The following H2BC5 variants were observed in gnomAD, a reference collection of about 807,000 sequenced individuals.
H2BC5 encodes histone H2B type 1-D.
Under a neutral mutation model 5.7 loss-of-function variants are expected in H2BC5, and 9 were observed. The observed-to-expected ratio is 1.57, with a 90% confidence interval of 0.95 to 2.74. H2BC5 has a LOEUF of 2.74. Among genes scored for constraint, H2BC5 ranks in the 30% most tolerant of loss-of-function variants. The probability of loss-of-function intolerance (pLI) is 0.00; values close to 1 mark genes in which losing one functional copy is unlikely to be tolerated. For synonymous variants in H2BC5, 133 were observed against 70.9 expected (o/e 1.88, Z -4.40); for missense variants, 175 against 168.8 (o/e 1.04, Z -0.20).
chr6:26,168,702 C>T (rs933220596), intron 1 of H2BC5, among the ~76,000 whole-genome samples: 3 of 152,060 alleles, frequency 2.0e-5, no homozygotes, highest in Non-Finnish European at 4.4e-5. Context: ...TTGACCACTA[C>T]CCACAGAGAC....
chr6:26,165,018 G>T (rs548234215), intron 1 of H2BC5, among the ~76,000 whole-genome samples: 1 of 152,162 alleles, frequency 6.6e-6, no homozygotes, highest in South Asian at 2.1e-4. Flanking sequence ...TATCAGGAAA[G>T]ACTATATTGA....
chr6:26,158,273 A>C lies in H2BC5; in HGVS notation c.104A>C (p.Lys35Thr). Residue 35 changes from lysine to threonine, a missense_variant, in exon 1 of 1, where the codon AAG (lysine) becomes ACG (threonine). Coordinates refer to ENST00000377777, the MANE Select transcript of H2BC5 (RefSeq NM_021063.4). ...GGGAAGAAGCGCAAGCGCAGCCGCA[A>C]GGAGAGCTATTCAGTGTATGTGTAC... ...KDGKKRKRSR[K>T]ESYSVYVYKV... 6.2e-7 allele frequency: 1 copy of C among 1,614,274 alleles called. No homozygotes were observed. The highest frequency in any genetic ancestry group is 8.5e-7 in the Non-Finnish European group (1 of 1,180,060).
chr6:26,158,163 C>T lies in H2BC5; in HGVS notation c.-7C>T, dbSNP rs376311812. The T allele has an allele frequency of 8.1e-6, 13 of 1,611,272 alleles. No individual in the cohort carries two copies. The highest frequency in any genetic ancestry group is 2.7e-5 in the African/African-American group (2 of 74,668). On this transcript the variant is annotated 5_prime_UTR_variant, in exon 1 of 1. It adds an upstream start codon to the 5' untranslated region. Transcript: ENST00000377777. The stretch of plus-strand genomic sequence containing the variant: ...TTTGCAACAGTGTTCTAACTATTAA[C>T]GCTACGATGCCTGAACCTACCAAGT...
downstream of H2BC5, among the ~76,000 whole-genome samples, chr6:26,160,145 A>G (rs1176033221): frequency 6.6e-6 from 1 of 152,196 alleles, no homozygotes; most frequent in African/African-American, 2.4e-5. Context: ...ACTACAAGCC[A>G]TCGATGCTTA....
At chr6:26,163,482 G>A (rs1276563199), downstream of H2BC5, 1 of 152,100 alleles carries the variant, frequency 6.6e-6, no homozygotes, top group African/African-American at 2.4e-5. Flanking sequence ...TCTTCCTTGA[G>A]GTTGAAGTCA....
downstream of H2BC5, among the ~76,000 whole-genome samples, chr6:26,160,338 T>A (rs1764331947): frequency 6.6e-6 from 1 of 151,864 alleles, no homozygotes; most frequent in South Asian, 2.1e-4. Context: ...CCCCCAAAAA[T>A]GCACAAGGAG....
Position 26,158,484 on chromosome 6 carries a change from G to T in H2BC5, c.315G>T (p.Gly105=). ...IQTAVRLLLP[G]ELAKHAVSEG... ...CGGCCGTGCGCCTGCTGCTTCCGGG[G>T]GAGCTGGCCAAGCACGCCGTGTCGG... is the stretch of plus-strand genomic sequence containing the variant. The change falls in exon 1 of 1, where the codon GGG becomes GGT. Residue 105 remains glycine, a synonymous_variant. Coordinates refer to ENST00000377777, the MANE Select transcript of H2BC5 (RefSeq NM_021063.4). The T allele has an allele frequency of 1.2e-6, 2 of 1,614,258 alleles. No individual in the cohort carries two copies. Among genetic ancestry groups the T allele is most frequent in the Non-Finnish European group, 1.7e-6 (2 of 1,180,050 alleles).
chr6:26,166,581 C>CA (rs1764429657), intron 1 of H2BC5, among the ~76,000 whole-genome samples: 1 of 152,044 alleles, frequency 6.6e-6, no homozygotes, highest in African/African-American at 2.4e-5. Context: ...GGGGGGCTGC[C>CA]ATCTTCTTCA....
downstream of H2BC5, among the ~76,000 whole-genome samples, chr6:26,158,947 T>C (rs1330602702): frequency 1.3e-5 from 2 of 152,176 alleles, no homozygotes; most frequent in Non-Finnish European, 2.9e-5. Context: ...ACAACTTCCT[T>C]ATGTTTGGAG....
intron 1 of H2BC5, among the ~76,000 whole-genome samples, chr6:26,166,111 T>G (rs1764419018): frequency 6.6e-6 from 1 of 152,206 alleles, no homozygotes; most frequent in African/African-American, 2.4e-5. Context: ...GCTCACTTAC[T>G]CAGTGTCTTT....
At chr6:26,163,012 C>T (rs187044162), downstream of H2BC5, among the ~76,000 whole-genome samples, 142 of 152,128 alleles carry the variant, frequency 9.3e-4, 1 homozygote, top group African/African-American at 2.4e-3. Flanking sequence ...TAGTCCAAAT[C>T]TTATTTGGTC....
intron 1 of H2BC5, among the ~76,000 whole-genome samples, chr6:26,167,049 CTTTTTTTTTTTTT>C (rs149341201): frequency 2.1e-5 from 2 of 97,026 alleles, no homozygotes; most frequent in African/African-American, 8.1e-5. Context: ...TTTGTTTTCT[CTTTTTTTTTTTTT>C]TTTTTTTTTG....
Position 26,158,568 on chromosome 6 carries a change from C to T in H2BC5, c.*18C>T, listed in dbSNP as rs200036714. 192 of 1,612,582 alleles carry T rather than the reference C, an allele frequency of 1.2e-4. 1 individual carries two copies. The highest frequency in any genetic ancestry group is 3.0e-4 in the Admixed American group (18 of 59,562). Reference sequence around the variant, plus strand: ...CCAAGTAACTTTGCCAAGTAAGCATCTTTACACCTAATCCCAAAGGCTCTT... The same window carrying T: ...CCAAGTAACTTTGCCAAGTAAGCATTTTTACACCTAATCCCAAAGGCTCTT... On this transcript the variant is annotated 3_prime_UTR_variant, in exon 1 of 1. Transcript: ENST00000377777.
downstream of H2BC5, chr6:26,158,727 G>A: frequency 9.3e-7 from 1 of 1,072,118 alleles, no homozygotes. Flanking sequence ...GGAAGTTACA[G>A]GGAATAACAA....
chr6:26,168,240 C>T lies in H2BC5; in HGVS notation c.*10-2735C>T, dbSNP rs947796062. Among the ~76,000 whole-genome samples the T allele has an allele frequency of 3.3e-5, 5 of 152,072 alleles. No individual in the cohort carries two copies. The East Asian group carries it at 9.7e-4, about 29-fold the overall frequency. On this transcript the variant is annotated intron_variant, in intron 1 of 1. Transcript: ENST00000289316. Reference sequence around the variant, plus strand: ...TTGGGAGGCCAAGGCGGGCAGATCACCTGAGGTCGGGAGTTCAAGACCAGC... The same window carrying T: ...TTGGGAGGCCAAGGCGGGCAGATCATCTGAGGTCGGGAGTTCAAGACCAGC...
At chr6:26,162,502 A>G (rs117097558), downstream of H2BC5, among the ~76,000 whole-genome samples, 410 of 152,194 alleles carry the variant, frequency 2.7e-3, 2 homozygotes, top group East Asian at 0.012. Flanking sequence ...GGATGTGTAT[A>G]TGTAGTCTTC....
downstream of H2BC5, among the ~76,000 whole-genome samples, chr6:26,159,247 T>G (rs545896107): frequency 2.3e-4 from 28 of 120,330 alleles, no homozygotes; most frequent in South Asian, 2.4e-3. Context: ...TTATAGGTTT[T>G]TTTTTTTTTT....
downstream of H2BC5, among the ~76,000 whole-genome samples, chr6:26,161,721 A>G (rs1764354204): frequency 6.6e-6 from 1 of 152,158 alleles, no homozygotes; most frequent in African/African-American, 2.4e-5. Flanking sequence ...GCAGAGAGCC[A>G]TGATCACACC....
At chr6:26,170,374 G>A (rs1469993408) in intron 1 of H2BC5, among the ~76,000 whole-genome samples, 1 of 152,098 alleles carries the variant, frequency 6.6e-6, no homozygotes, top group African/African-American at 2.4e-5. Flanking sequence ...CTCTCAAAAC[G>A]TATTTGCAGC....
Sources: gnomAD v4.1 joint callset for allele counts (sites outside exome capture counted in the v4.1 genomes callset) on GRCh38, gnomAD v4.1.1 for gene constraint, MANE v1.5 for transcripts, NCBI Gene and HGNC (gene_info 2026-07-23, HGNC 2026-07-21) for gene names.